KRT73: variants seen among roughly 807,000 people sequenced by gnomAD.
KRT73 encodes keratin 73, also known as keratin, type II cytoskeletal 73.
A neutral mutation model predicts 47.2 loss-of-function variants in KRT73; 44 were observed. That is an observed-to-expected ratio of 0.93 (90% CI 0.73 to 1.20). The LOEUF is 1.20. KRT73 is among the 50% of genes most tolerant of loss of function. The pLI, the probability that KRT73 is intolerant of heterozygous loss-of-function variation, is 0.00. For missense variants in KRT73, 713 were observed against 704.5 expected (o/e 1.01, Z -0.14); for synonymous variants, 285 against 291.3 (o/e 0.98, Z 0.22).
chr12:52,626,087 A>G, the KRT73 span, among the ~76,000 whole-genome samples: 2 of 152,194 alleles, frequency 1.3e-5, no homozygotes, highest in African/African-American at 4.8e-5. Flanking sequence ...TCTTAATTGT[A>G]TAAATGTCAA....
intron 1 of KRT73, among the ~76,000 whole-genome samples, chr12:52,616,696 T>C (rs1565630754): frequency 1.3e-5 from 2 of 152,286 alleles, no homozygotes; most frequent in East Asian, 3.9e-4. Context: ...CCATGTTCAG[T>C]CCAGGCCACC....
At chr12:52,616,083 A>G in intron 2 of KRT73, 83 bp downstream of exon 2, 1 of 1,544,612 alleles carries the variant, frequency 6.5e-7, no homozygotes, top group Admixed American at 1.7e-5. Context: ...CAATACCTCC[A>G]AGGCCAGAGG....
At chr12:52,610,370 C>T (rs1337179085) in intron 7 of KRT73, 3 of 494,400 alleles carry the variant, frequency 6.1e-6, no homozygotes, top group Non-Finnish European at 1.1e-5. Flanking sequence ...AACCACTGCG[C>T]CTGGCCATCT....
upstream of KRT73, among the ~76,000 whole-genome samples, chr12:52,623,102 G>A (rs1940927330): frequency 6.6e-6 from 1 of 152,174 alleles, no homozygotes; most frequent in Non-Finnish European, 1.5e-5. Flanking sequence ...CCCAAATTTG[G>A]CAAAAGACGT....
At chr12:52,629,639 C>T in the KRT73 span, among the ~76,000 whole-genome samples, 1 of 152,314 alleles carries the variant, frequency 6.6e-6, no homozygotes, top group South Asian at 2.1e-4. Context: ...GCAAATCCAC[C>T]CCCACCTATG....
the KRT73 span, among the ~76,000 whole-genome samples, chr12:52,630,118 A>G: frequency 0.31 from 46,689 of 152,120 alleles, 7,566 homozygotes; most frequent in African/African-American, 0.4. Context: ...GCAGTGCAGC[A>G]TACAGGGCCA....
At chr12:52,622,947 C>T (rs682144), upstream of KRT73, among the ~76,000 whole-genome samples, 124,292 of 152,190 alleles carry the variant, frequency 0.82, 51,662 homozygotes, top group East Asian at 0.99. Flanking sequence ...AACTGAACAA[C>T]AGACTGAAGA....
rs752081190 is a variant in KRT73 at position 52,618,515 on chromosome 12, G to A, written c.10C>T (p.Gln4Ter). Residue 4 changes from glutamine to a stop codon, truncating the protein, a stop_gained, in exon 1 of 9, where the codon CAA becomes TAA. Transcript: ENST00000305748. LOFTEE classifies it high-confidence loss of function. Reference sequence around the variant, plus strand: ...GCAGCTCCCGACTTGTAGGTGAATTGGCGGCTCATGGTGGGGAGGCCAGAA... The same window carrying A: ...GCAGCTCCCGACTTGTAGGTGAATTAGCGGCTCATGGTGGGGAGGCCAGAA... MSR[Q>*]FTYKSGAAAK... is the part of the protein sequence containing the mutation. The A allele has an allele frequency of 7.5e-6, 12 of 1,599,598 alleles. No homozygotes were observed. In the South Asian group the frequency reaches 1.3e-4, roughly 18 times the overall value.
chr12:52,613,649 G>A, intron 5 of KRT73, 39 bp downstream of exon 5: 1 of 1,610,882 alleles, frequency 6.2e-7, no homozygotes, highest in Middle Eastern at 1.8e-4. Flanking sequence ...GGAGCAGAGG[G>A]CCCTGCATAC....
upstream of KRT73, among the ~76,000 whole-genome samples, chr12:52,621,657 G>C (rs1182567968): frequency 6.6e-6 from 1 of 152,070 alleles, no homozygotes; most frequent in Non-Finnish European, 1.5e-5. Context: ...ATCAGGAAAG[G>C]GGCAGCCTAG....
intron 1 of KRT73, 21 bp downstream of exon 1, chr12:52,618,054 TCAG>T: frequency 6.2e-7 from 1 of 1,609,696 alleles, no homozygotes. Flanking sequence ...GAGCCCAAGA[TCAG>T]CTTTCTCCAG....
the KRT73 span, among the ~76,000 whole-genome samples, chr12:52,626,103 T>C: frequency 6.6e-6 from 1 of 152,238 alleles, no homozygotes; most frequent in Non-Finnish European, 1.5e-5. Flanking sequence ...GTCAATATCC[T>C]GGTTGTGATA....
chr12:52,608,403 A>G lies in KRT73; in HGVS notation c.1416T>C (p.Phe472=). 6.2e-7 allele frequency: 1 copy of G among 1,612,520 alleles called. No homozygotes were observed. The highest frequency in any genetic ancestry group is 1.1e-5 in the South Asian group (1 of 90,954). ...MAGMAGTGAG[F]GFSNAGTYGY... The stretch of plus-strand genomic sequence containing the variant: ...CGTAGGTGCCAGCATTGCTGAATCC[A>G]AAGCCAGCCCCTGTGCCTGCCATCC... The change falls in exon 9 of 9, where the codon TTT becomes TTC. Residue 472 remains phenylalanine, a synonymous_variant. Transcript: ENST00000305748.
At chr12:52,608,494 G>T (rs750106234) in intron 8 of KRT73, 42 bp from the exon 9 acceptor site, 2 of 1,525,250 alleles carry the variant, frequency 1.3e-6, no homozygotes, top group Non-Finnish European at 1.8e-6. Flanking sequence ...TATATCCCAG[G>T]ACAGAGGTGG....
rs552309927 is a variant in KRT73, at chr12:52,617,232, G to A, written c.447+846C>T. 3.9e-4 allele frequency among the ~76,000 whole-genome samples: 59 copies of A among 152,220 alleles called. No individual in the cohort carries two copies. In the South Asian group the frequency reaches 5.6e-3, roughly 14 times the overall value. On this transcript the variant is annotated intron_variant, in intron 1 of 8. Transcript: ENST00000305748. ...CACCACCCTACCTCACTGTCGCTCC[G>A]GGTGAGCTTCCCCTGCTCCTCTAAG... is the stretch of plus-strand genomic sequence containing the variant.
the KRT73 span, among the ~76,000 whole-genome samples, chr12:52,628,458 T>A: frequency 3.3e-5 from 5 of 152,200 alleles, no homozygotes; most frequent in African/African-American, 4.8e-5. Flanking sequence ...AGAGTCCCTC[T>A]GCCTTAGAAT....
the KRT73 span, among the ~76,000 whole-genome samples, chr12:52,627,382 T>A: frequency 6.6e-6 from 1 of 152,202 alleles, no homozygotes; most frequent in African/African-American, 2.4e-5. Context: ...TGCTGCCTCT[T>A]CAGAAGTGTA....
intron 1 of KRT73, among the ~76,000 whole-genome samples, chr12:52,617,230 C>T (rs1940832898): frequency 6.6e-6 from 1 of 152,184 alleles, no homozygotes. Context: ...CACTGTCGCT[C>T]CGGGTGAGCT....
chr12:52,626,391 A>T, the KRT73 span, among the ~76,000 whole-genome samples: 1 of 152,158 alleles, frequency 6.6e-6, no homozygotes, highest in Non-Finnish European at 1.5e-5. Context: ...ACTTTCCCTG[A>T]CCCTGAGATT....
Sources: gnomAD v4.1 joint callset for allele counts (sites outside exome capture counted in the v4.1 genomes callset) on GRCh38, gnomAD v4.1.1 for gene constraint, MANE v1.5 for transcripts, NCBI Gene and HGNC (gene_info 2026-07-23, HGNC 2026-07-21) for gene names.